Variants in ARMH3 observed in about 807,000 individuals in gnomAD.
ARMH3 encodes armadillo-like helical domain-containing protein 3.
Under a neutral mutation model 99.1 loss-of-function variants are expected in ARMH3, and 60 were observed. That is an observed-to-expected ratio of 0.61 (90% CI 0.49 to 0.75). ARMH3 has a LOEUF of 0.75. ARMH3 is among the 30% of genes least tolerant of loss of function. ARMH3 has a pLI of 0.00. For missense variants in ARMH3, 679 were observed against 843.1 expected (o/e 0.81, Z 2.41); for synonymous variants, 285 against 292.8 (o/e 0.97, Z 0.27).
chr10:101,926,310 C>T (rs1843505667), intron 23 of ARMH3, among the ~76,000 whole-genome samples: 1 of 152,308 alleles, frequency 6.6e-6, no homozygotes, highest in Middle Eastern at 3.4e-3. Context: ...GCCTCAGCCT[C>T]CAGAACAGCT....
At chr10:101,991,881 G>C (rs774030291) in intron 18 of ARMH3, 88 bp downstream of exon 18, 6 of 1,189,012 alleles carry the variant, frequency 5.0e-6, no homozygotes, top group Non-Finnish European at 7.4e-6. Context: ...TGCGGAAGAA[G>C]CACATCAAAC....
rs1249642053 is a variant in ARMH3 at position 101,939,861 on chromosome 10, A to G, written c.1781+2T>C. On this transcript the variant is annotated splice_donor_variant, in intron 23 of 25. Coordinates refer to ENST00000370033, the MANE Select transcript of ARMH3 (RefSeq NM_024541.3). LOFTEE classifies it high-confidence loss of function. ...CTGCAAGAGATACTTCTCATTCCTT[A>G]CCTGATATTAACCAATGCATGGGTC... 6.2e-7 allele frequency: 1 copy of G among 1,613,034 alleles called. No individual in the cohort carries two copies. Among genetic ancestry groups the G allele is most frequent in the Admixed American group, 1.7e-5 (1 of 60,012 alleles).
chr10:101,974,397 C>A (rs1418482137), intron 20 of ARMH3, among the ~76,000 whole-genome samples: 2 of 152,188 alleles, frequency 1.3e-5, no homozygotes, highest in African/African-American at 2.4e-5. Flanking sequence ...CATGGGTGGG[C>A]AACCCTTCAT....
Position 101,993,247 on chromosome 10 carries a change from G to C in ARMH3, c.1275+291C>G, listed in dbSNP as rs530324718. Among the ~76,000 whole-genome samples the C allele has an allele frequency of 6.6e-5, 10 of 150,624 alleles. No homozygotes were observed. In the South Asian group the frequency reaches 1.5e-3, roughly 22 times the overall value. On this transcript the variant is annotated intron_variant, in intron 17 of 25. Coordinates refer to ENST00000370033, the MANE Select transcript of ARMH3 (RefSeq NM_024541.3). Reference sequence around the variant, plus strand: ...GATCACACCATTGCACTCCAGCCTGGGGGGGAGAGAGAGAGAGAGAGACTC... The same window carrying C: ...GATCACACCATTGCACTCCAGCCTGCGGGGGAGAGAGAGAGAGAGAGACTC...
At chr10:101,870,477 G>A (rs2067107680) in intron 24 of ARMH3, among the ~76,000 whole-genome samples, 1 of 152,126 alleles carries the variant, frequency 6.6e-6, no homozygotes, top group Non-Finnish European at 1.5e-5. Flanking sequence ...ATGTGATAAA[G>A]CAAGTAGAGT....
At chr10:101,907,820 T>C (rs954555809) in intron 23 of ARMH3, among the ~76,000 whole-genome samples, 21 of 152,222 alleles carry the variant, frequency 1.4e-4, no homozygotes, top group African/African-American at 4.6e-4. Flanking sequence ...CCCAAGGTAG[T>C]ATCCTAATAA....
At chr10:101,924,519 G>GCC (rs1350692430) in intron 23 of ARMH3, among the ~76,000 whole-genome samples, 2 of 151,164 alleles carry the variant, frequency 1.3e-5, no homozygotes, top group African/African-American at 4.9e-5. Flanking sequence ...CCGCCACCAT[G>GCC]CCTGGCTTTT....
rs1404049257 is a variant in ARMH3, at chr10:101,937,903, G to A, written c.1781+1960C>T. On this transcript the variant is annotated intron_variant, in intron 23 of 25. Transcript: ENST00000370033. Reference sequence around the variant, plus strand: ...TGAGACAGGGTCTCACTGTTACCCAGGCTGGAGTGCAGTGGCATGATCTTG... The same window carrying A: ...TGAGACAGGGTCTCACTGTTACCCAAGCTGGAGTGCAGTGGCATGATCTTG... 2.0e-5 allele frequency among the ~76,000 whole-genome samples: 3 copies of A among 152,282 alleles called. No homozygotes were observed. The East Asian group carries it at 5.8e-4, about 29-fold the overall frequency.
chr10:101,982,955 C>G (rs189663769), intron 19 of ARMH3, among the ~76,000 whole-genome samples: 50 of 152,142 alleles, frequency 3.3e-4, no homozygotes, highest in Admixed American at 2.2e-3. Flanking sequence ...CATCACTGCC[C>G]CCAGATCTGT....
chr10:101,869,858 C>T (rs771876355), intron 24 of ARMH3, among the ~76,000 whole-genome samples: 33 of 152,254 alleles, frequency 2.2e-4, no homozygotes, highest in African/African-American at 6.0e-4. Context: ...CATGGCAAAA[C>T]TCCATCTCTA....
chr10:101,926,747 T>A (rs1016991804), intron 23 of ARMH3, among the ~76,000 whole-genome samples: 1 of 152,188 alleles, frequency 6.6e-6, no homozygotes, highest in Non-Finnish European at 1.5e-5. Context: ...AAGAGTTCCT[T>A]TGGGGAAAAA....
intron 15 of ARMH3, among the ~76,000 whole-genome samples, chr10:101,999,131 T>C (rs1399736625): frequency 6.6e-6 from 1 of 152,194 alleles, no homozygotes; most frequent in Admixed American, 6.5e-5. Context: ...AAGTTAACTA[T>C]TGCTAGAATG....
chr10:101,986,138 T>C (rs944056345), intron 19 of ARMH3, among the ~76,000 whole-genome samples: 4 of 152,188 alleles, frequency 2.6e-5, no homozygotes, highest in Admixed American at 1.3e-4. Flanking sequence ...TTCATGCTTG[T>C]AGCAATTTCC....
At chr10:101,990,463 G>C in intron 19 of ARMH3, 88 bp downstream of exon 19, 2 of 1,038,602 alleles carry the variant, frequency 1.9e-6, no homozygotes, top group Non-Finnish European at 2.8e-6. Flanking sequence ...GAGCCATGGC[G>C]CCCGGCCTAC....
intron 19 of ARMH3, among the ~76,000 whole-genome samples, chr10:101,977,721 T>A (rs1039462043): frequency 6.6e-6 from 1 of 152,220 alleles, no homozygotes; most frequent in Non-Finnish European, 1.5e-5. Context: ...TAATGGGTTA[T>A]CATGAGAGTG....
intron 22 of ARMH3, among the ~76,000 whole-genome samples, chr10:101,945,201 T>C (rs1376771970): frequency 6.6e-6 from 1 of 152,216 alleles, no homozygotes; most frequent in Non-Finnish European, 1.5e-5. Flanking sequence ...CTTACAGCTT[T>C]GCCCCAAGGG....
chr10:101,896,801 G>A (rs2067848163), intron 23 of ARMH3, among the ~76,000 whole-genome samples: 1 of 152,210 alleles, frequency 6.6e-6, no homozygotes, highest in African/African-American at 2.4e-5. Context: ...AGGAGCTTCT[G>A]GAGAGAGAGG....
rs559061166 is a variant in ARMH3, at chr10:102,034,096, G to A, written c.103-757C>T. Among the ~76,000 whole-genome samples, 4 of 152,306 alleles carry A rather than the reference G, an allele frequency of 2.6e-5. No homozygotes were observed. In the South Asian group the frequency reaches 8.3e-4, roughly 32 times the overall value. ...TTAAGTGACTTACACAAGTTCAGGA[G>A]CCAGAATTCAGATCACCTCAGTAAT... is the stretch of plus-strand genomic sequence containing the variant. On this transcript the variant is annotated intron_variant, in intron 2 of 25. Transcript: ENST00000370033.
At chr10:102,023,891 T>A in intron 6 of ARMH3, 142 bp from the exon 7 acceptor site, 1 of 757,016 alleles carries the variant, frequency 1.3e-6, no homozygotes. Flanking sequence ...CAAGTGCCCC[T>A]TAAGTCATGA....
Sources: allele counts gnomAD v4.1 joint callset (sites outside exome capture counted in the v4.1 genomes callset), GRCh38; gene constraint gnomAD v4.1.1; transcripts MANE v1.5; gene names NCBI Gene and HGNC (gene_info 2026-07-23, HGNC 2026-07-21).